TNIP3: variants seen among roughly 807,000 people sequenced by gnomAD.
TNIP3 encodes the protein TNFAIP3 interacting protein 3, also known as TNFAIP3-interacting protein 3.
A neutral mutation model predicts 54.1 loss-of-function variants in TNIP3; 34 were observed. The observed-to-expected ratio is 0.63, with a 90% CI of 0.48 to 0.84. TNIP3 has a LOEUF of 0.84. Among genes scored for constraint, TNIP3 ranks in the 40% least tolerant of loss-of-function variants. TNIP3 has a pLI of 0.00. For missense variants in TNIP3, 366 were observed against 387.6 expected (o/e 0.94, Z 0.47); for synonymous variants, 134 against 136.8 (o/e 0.98, Z 0.14).
Position 121,164,238 on chromosome 4 carries a change from C to T in TNIP3, c.-113G>A. On this transcript the variant is annotated 5_prime_UTR_variant, in exon 1 of 11. The change creates a new upstream start codon in the 5' untranslated region. Transcript: ENST00000057513. ...TACAAAATTTAAAAAACACACATCACCGTTAACTCATAATAGAAAATAACA... is the reference window on the plus strand; with the variant it reads ...TACAAAATTTAAAAAACACACATCATCGTTAACTCATAATAGAAAATAACA... 5 of 1,544,586 alleles carry T rather than the reference C, an allele frequency of 3.2e-6. No homozygotes were observed. The highest frequency in any genetic ancestry group is 2.0e-5 in the Admixed American group (1 of 49,830).
chr4:121,174,688 A>T (rs1253720693), intron 3 of TNIP3, among the ~76,000 whole-genome samples: 3 of 152,204 alleles, frequency 2.0e-5, no homozygotes, highest in Non-Finnish European at 4.4e-5. Flanking sequence ...AAAAAAAGGA[A>T]TAATTGATCT....
chr4:121,172,622 T>A (rs1209178571), intron 3 of TNIP3, among the ~76,000 whole-genome samples: 2 of 152,222 alleles, frequency 1.3e-5, no homozygotes, highest in Non-Finnish European at 2.9e-5. Flanking sequence ...CTGCCGTTTA[T>A]CTGAAATTTA....
chr4:121,162,391 G>T (rs1212136808), intron 1 of TNIP3, among the ~76,000 whole-genome samples: 2 of 152,100 alleles, frequency 1.3e-5, no homozygotes, highest in East Asian at 1.9e-4. Flanking sequence ...GTCTTCTGTG[G>T]GTCAATAAAT....
chr4:121,216,392 A>G (rs967417284), intron 2 of TNIP3: 6 of 1,512,052 alleles, frequency 4.0e-6, no homozygotes, highest in South Asian at 1.2e-5. Flanking sequence ...GAAGCATATA[A>G]TCTCCAAATA....
At chr4:121,212,508 C>G (rs1726526636) in intron 2 of TNIP3, among the ~76,000 whole-genome samples, 1 of 152,008 alleles carries the variant, frequency 6.6e-6, no homozygotes, top group African/African-American at 2.4e-5. Context: ...TTCTGAAAAA[C>G]TAACAAATTT....
intron 10 of TNIP3, among the ~76,000 whole-genome samples, chr4:121,132,885 T>A (rs1728559486): frequency 6.6e-6 from 1 of 152,196 alleles, no homozygotes; most frequent in Non-Finnish European, 1.5e-5. Flanking sequence ...AAATAAGTTG[T>A]GGCCTCGTTC....
At chr4:121,138,579 TA>T (rs1165833893) in intron 10 of TNIP3, 44 bp downstream of exon 10, 2 of 1,551,840 alleles carry the variant, frequency 1.3e-6, no homozygotes, top group Non-Finnish European at 1.8e-6. Context: ...AAGATCCCAT[TA>T]AGATGTAAAC....
intron 5 of TNIP3, among the ~76,000 whole-genome samples, chr4:121,151,058 G>T (rs1361868731): frequency 2.0e-5 from 3 of 152,208 alleles, no homozygotes; most frequent in Non-Finnish European, 2.9e-5. Context: ...AATATCATAT[G>T]AAAGACATTG....
intron 1 of TNIP3, among the ~76,000 whole-genome samples, chr4:121,224,786 C>T (rs1025647832): frequency 6.6e-6 from 1 of 151,536 alleles, no homozygotes; most frequent in African/African-American, 2.4e-5. Flanking sequence ...ATTGTTTTGC[C>T]TTTCGTAATT....
intron 1 of TNIP3, among the ~76,000 whole-genome samples, chr4:121,161,757 C>T (rs1730467831): frequency 1.3e-5 from 2 of 152,028 alleles, no homozygotes; most frequent in African/African-American, 4.8e-5. Context: ...TAATTTTAGC[C>T]AGCTCTTTGA....
chr4:121,227,368 G>GGC, intron 1 of TNIP3: 1 of 1,534,888 alleles, frequency 6.5e-7, no homozygotes, highest in Non-Finnish European at 8.7e-7. Flanking sequence ...AAAGGCACAA[G>GGC]ACATTATGTT....
chr4:121,185,434 C>T (rs1275403190), intron 2 of TNIP3, among the ~76,000 whole-genome samples: 1 of 152,164 alleles, frequency 6.6e-6, no homozygotes, highest in African/African-American at 2.4e-5. Flanking sequence ...GTTTTATTTT[C>T]TTCTTTGAAT....
intron 2 of TNIP3, among the ~76,000 whole-genome samples, chr4:121,205,387 C>A (rs757705207): frequency 7.9e-5 from 12 of 151,952 alleles, no homozygotes; most frequent in Non-Finnish European, 1.5e-4. Context: ...GGGATTGTAG[C>A]AGATTAAACC....
intron 3 of TNIP3, among the ~76,000 whole-genome samples, chr4:121,169,382 C>T (rs1579432331): frequency 6.6e-6 from 1 of 152,308 alleles, no homozygotes; most frequent in Non-Finnish European, 1.5e-5. Context: ...TGAGTCTTTA[C>T]TTGGCCTCCC....
chr4:121,148,028 C>T (rs1369618873), intron 6 of TNIP3, among the ~76,000 whole-genome samples: 1 of 152,236 alleles, frequency 6.6e-6, no homozygotes, highest in Non-Finnish European at 1.5e-5. Context: ...CATCCAGCCA[C>T]ATTGACATTT....
intron 7 of TNIP3, 97 bp downstream of exon 7, chr4:121,146,952 T>A (rs1729465599): frequency 1.4e-6 from 2 of 1,400,960 alleles, no homozygotes; most frequent in Non-Finnish European, 9.5e-7. Flanking sequence ...AAAAAAAAAT[T>A]CAATGTCAAT....
At chr4:121,168,260 GCA>G (rs1366861088), upstream of TNIP3, among the ~76,000 whole-genome samples, 5 of 151,878 alleles carry the variant, frequency 3.3e-5, no homozygotes, top group East Asian at 9.7e-4. Context: ...AGGCTGGAGT[GCA>G]GTGGCACAAT....
At chr4:121,158,845 T>C (rs1560655108) in intron 2 of TNIP3, 93 bp from the exon 3 acceptor site, 2 of 997,324 alleles carry the variant, frequency 2.0e-6, no homozygotes, top group Non-Finnish European at 1.5e-6. Flanking sequence ...TTATTAAGGT[T>C]TTAGAAGCCA....
intron 2 of TNIP3, among the ~76,000 whole-genome samples, chr4:121,201,799 A>G (rs1194171420): frequency 2.0e-5 from 3 of 152,222 alleles, no homozygotes; most frequent in Non-Finnish European, 2.9e-5. Flanking sequence ...TGAGGATCAC[A>G]TTTTCCTCAT....
Sources: allele counts gnomAD v4.1 joint callset (sites outside exome capture counted in the v4.1 genomes callset), GRCh38; gene constraint gnomAD v4.1.1; transcripts MANE v1.5; gene names NCBI Gene and HGNC (gene_info 2026-07-23, HGNC 2026-07-21).